COL21A1: variants seen among roughly 807,000 people sequenced by gnomAD.
The protein encoded by COL21A1 is collagen type XXI alpha 1 chain.
A neutral mutation model predicts 137.9 loss-of-function variants in COL21A1; 149 were observed. The observed-to-expected ratio is 1.08, with a 90% CI of 0.95 to 1.24. COL21A1 has a LOEUF of 1.24. Among genes scored for constraint, COL21A1 ranks in the 50% most tolerant of loss-of-function variants. The pLI, the probability that COL21A1 is intolerant of heterozygous loss-of-function variation, is 0.00. For missense variants in COL21A1, 1,167 were observed against 1,158.4 expected, an observed-to-expected ratio of 1.01 and a Z score of -0.11; for synonymous variants, 456 against 391.5, an observed-to-expected ratio of 1.16 and a Z score of -1.95.
intron 1 of COL21A1, among the ~76,000 whole-genome samples, chr6:56,244,301 C>T (rs1203053351): frequency 6.6e-6 from 1 of 152,192 alleles, no homozygotes; most frequent in African/African-American, 2.4e-5. Flanking sequence ...AGTGCTGCCC[C>T]ATCTGTCACT....
chr6:56,230,807 T>C (rs1314554210), intron 1 of COL21A1, among the ~76,000 whole-genome samples: 1 of 151,938 alleles, frequency 6.6e-6, no homozygotes, highest in African/African-American at 2.4e-5. Flanking sequence ...ATGGGAAACA[T>C]GTCATTTATC....
intron 10 of COL21A1, among the ~76,000 whole-genome samples, chr6:56,153,301 A>G (rs1252290510): frequency 2.0e-5 from 3 of 152,086 alleles, no homozygotes; most frequent in Non-Finnish European, 4.4e-5. Context: ...TGTCTCATAT[A>G]AAGATTTAAT....
intron 1 of COL21A1, among the ~76,000 whole-genome samples, chr6:56,228,710 G>A (rs1781363790): frequency 6.6e-6 from 1 of 151,668 alleles, no homozygotes. Context: ...ACGCTAAGCA[G>A]AGTGAGTGGA....
intron 16 of COL21A1, among the ~76,000 whole-genome samples, chr6:56,106,423 A>C (rs1013544150): frequency 3.3e-5 from 5 of 152,158 alleles, no homozygotes; most frequent in Admixed American, 2.0e-4. Context: ...TCTTCCCGTG[A>C]ATGTGCCACA....
chr6:56,088,326 T>C (rs538618493), intron 17 of COL21A1, among the ~76,000 whole-genome samples: 3 of 152,258 alleles, frequency 2.0e-5, no homozygotes, highest in South Asian at 2.1e-4. Context: ...ATTGCGCCAC[T>C]GCACTCCAGC....
In COL21A1 at chr6:56,064,574, A is replaced by G; in HGVS notation, c.2172+4T>C. 2 of 1,590,926 alleles carry G rather than the reference A, an allele frequency of 1.3e-6. No homozygotes were observed. The highest frequency in any genetic ancestry group is 1.7e-6 in the Non-Finnish European group (2 of 1,166,052). On this transcript the variant is annotated splice_donor_region_variant and intron_variant, in intron 24 of 29. Transcript: ENST00000244728. ...TTTTTTATCAGAAGAAAACCAAAAA[A>G]TACCTGTTGCCCTGGAATTCCCTGT...
intron 1 of COL21A1, among the ~76,000 whole-genome samples, chr6:56,186,925 C>T (rs535269644): frequency 2.0e-5 from 3 of 152,178 alleles, no homozygotes; most frequent in East Asian, 1.9e-4. Flanking sequence ...ATATAAAATG[C>T]AAATGATTTT....
chr6:56,340,176 A>G (rs1765433437), intron 1 of COL21A1, among the ~76,000 whole-genome samples: 2 of 152,168 alleles, frequency 1.3e-5, no homozygotes, highest in South Asian at 4.2e-4. Context: ...CCTGAGCCCC[A>G]CCTCACCCCT....
rs2114113872 is a variant in COL21A1, at chr6:56,074,346, T to A, written c.1912-61A>T. The stretch of plus-strand genomic sequence containing the variant: ...GAGAAGATTATTAAAAAATATTAAA[T>A]CAATTTCCAAGTTACACATTCTCAT... On this transcript the variant is annotated intron_variant, in intron 19 of 29. Coordinates refer to ENST00000244728, the MANE Select transcript of COL21A1 (RefSeq NM_030820.4). 5 of 1,133,228 alleles carry A rather than the reference T, an allele frequency of 4.4e-6. No individual in the cohort carries two copies. The East Asian group carries it at 1.2e-4, about 28-fold the overall frequency. The allele number at this position is 1,133,228 out of a possible 1,614,324, so 70.2% of individuals were successfully genotyped here.
chr6:56,390,891 C>T (rs2094028297), intron 1 of COL21A1, among the ~76,000 whole-genome samples: 1 of 152,132 alleles, frequency 6.6e-6, no homozygotes, highest in Non-Finnish European at 1.5e-5. Flanking sequence ...CAACCACCTA[C>T]TTTTAGCATT....
chr6:56,343,459 G>A (rs1311646770), intron 1 of COL21A1, among the ~76,000 whole-genome samples: 4 of 152,174 alleles, frequency 2.6e-5, no homozygotes, highest in Non-Finnish European at 4.4e-5. Context: ...AGCAATAACT[G>A]TCAACTTCCA....
intron 1 of COL21A1, among the ~76,000 whole-genome samples, chr6:56,388,409 T>C (rs1053263967): frequency 2.6e-5 from 4 of 152,214 alleles, no homozygotes; most frequent in Non-Finnish European, 5.9e-5. Flanking sequence ...GGTCAGAGAC[T>C]CCTGCTGATT....
chr6:56,340,679 T>A (rs1765447302), intron 1 of COL21A1, among the ~76,000 whole-genome samples: 1 of 152,200 alleles, frequency 6.6e-6, no homozygotes, highest in African/African-American at 2.4e-5. Flanking sequence ...TTCCCTAGTG[T>A]TAATACCTTA....
At chr6:56,305,954 T>G (rs1208542795) in intron 1 of COL21A1, among the ~76,000 whole-genome samples, 6 of 150,344 alleles carry the variant, frequency 4.0e-5, no homozygotes, top group Admixed American at 6.7e-5. Context: ...TCTCAGCATT[T>G]GCTTGTCTGT....
At chr6:56,091,267 G>T (rs895244180) in intron 17 of COL21A1, among the ~76,000 whole-genome samples, 3 of 152,132 alleles carry the variant, frequency 2.0e-5, no homozygotes, top group Non-Finnish European at 4.4e-5. Flanking sequence ...TAAGTACATG[G>T]TAACTTGGAC....
In COL21A1 at chr6:56,059,165, C is replaced by G. The variant is rs1227451022; in HGVS notation, c.2686G>C (p.Gly896Arg). 2.7e-5 allele frequency: 43 copies of G among 1,611,584 alleles called. No individual in the cohort carries two copies. The highest frequency in any genetic ancestry group is 3.5e-5 in the Non-Finnish European group (41 of 1,178,788). ...CTTATGAGCAGGTAGCAATTCTCAC[C>G]TGGGGGACCAGGAGGACCTTGTTCT... ...PGEQGPPGPPGPEGPPGISKE... is the reference protein window; with the variant it reads ...PGEQGPPGPPRPEGPPGISKE... The change falls in exon 29 of 30, where the codon GGT (glycine) becomes CGT (arginine). Residue 896 changes from glycine (G) to arginine (R), a missense_variant and splice_region_variant. By Grantham distance (125) the Gly-to-Arg change is moderately radical. Transcript: ENST00000244728.
At chr6:56,258,223 T>A (rs1186405779) in intron 1 of COL21A1, among the ~76,000 whole-genome samples, 4 of 152,212 alleles carry the variant, frequency 2.6e-5, no homozygotes, top group African/African-American at 7.2e-5. Context: ...ACCATTTTTT[T>A]AAGCAGGAGC....
chr6:56,149,388 C>T (rs2152247298), intron 10 of COL21A1, among the ~76,000 whole-genome samples: 1 of 152,192 alleles, frequency 6.6e-6, no homozygotes, highest in African/African-American at 2.4e-5. Flanking sequence ...TCAGAAGAAA[C>T]ATTTACACCA....
chr6:56,206,045 A>C (rs771311684), intron 1 of COL21A1, among the ~76,000 whole-genome samples: 1 of 152,216 alleles, frequency 6.6e-6, no homozygotes, highest in Non-Finnish European at 1.5e-5. Flanking sequence ...AATTGTAAAG[A>C]CCATTGACAC....
Sources: gnomAD v4.1 joint callset for allele counts (sites outside exome capture counted in the v4.1 genomes callset) on GRCh38, gnomAD v4.1.1 for gene constraint, MANE v1.5 for transcripts, NCBI Gene and HGNC (gene_info 2026-07-23, HGNC 2026-07-21) for gene names.